The following PPP1R12B variants were observed in gnomAD, a reference collection of about 807,000 sequenced individuals.
The protein encoded by PPP1R12B is protein phosphatase 1 regulatory subunit 12B.
Under a neutral mutation model 126.1 loss-of-function variants are expected in PPP1R12B, and 76 were observed. The ratio of observed to expected loss-of-function variants is 0.60; its 90% confidence interval spans 0.50 to 0.73. The LOEUF is 0.73. Among genes scored for constraint, PPP1R12B ranks in the 30% least tolerant of loss-of-function variants. The probability of loss-of-function intolerance (pLI) is 0.00; values close to 1 mark genes in which losing one functional copy is unlikely to be tolerated. For synonymous variants in PPP1R12B, 356 were observed against 434.7 expected (o/e 0.82, Z 2.25); for missense variants, 1,052 against 1,205.1 (o/e 0.87, Z 1.88).
chr1:202,361,265 T>G (rs955301785), intron 1 of PPP1R12B, among the ~76,000 whole-genome samples: 5 of 152,176 alleles, frequency 3.3e-5, no homozygotes, highest in African/African-American at 1.2e-4. Context: ...TGAGACTAGG[T>G]AATTTATAAA....
intron 18 of PPP1R12B, among the ~76,000 whole-genome samples, chr1:202,552,167 C>A (rs909268072): frequency 6.6e-6 from 1 of 152,112 alleles, no homozygotes; most frequent in African/African-American, 2.4e-5. Context: ...ACAGCATAGG[C>A]CTCATTATCA....
chr1:202,499,703 T>C (rs1679991296), intron 18 of PPP1R12B, among the ~76,000 whole-genome samples: 1 of 152,256 alleles, frequency 6.6e-6, no homozygotes, highest in Non-Finnish European at 1.5e-5. Flanking sequence ...TGTTTAATAC[T>C]TCACTTGTAT....
chr1:202,435,942 A>G (rs890810686), intron 9 of PPP1R12B, among the ~76,000 whole-genome samples: 1 of 152,156 alleles, frequency 6.6e-6, no homozygotes, highest in African/African-American at 2.4e-5. Flanking sequence ...GGATGCCTAG[A>G]CTTCCTACTT....
intron 11 of PPP1R12B, among the ~76,000 whole-genome samples, chr1:202,441,374 A>G (rs566756336): frequency 6.2e-4 from 94 of 152,128 alleles, no homozygotes; most frequent in African/African-American, 2.1e-3. Context: ...GTTTCCCAGG[A>G]TGGTCTCAAA....
chr1:202,525,118 A>T (rs1043788463), intron 18 of PPP1R12B, among the ~76,000 whole-genome samples: 1 of 152,144 alleles, frequency 6.6e-6, no homozygotes, highest in African/African-American at 2.4e-5. Context: ...ACCTCAAGTG[A>T]TCTTCCCACC....
intron 13 of PPP1R12B, among the ~76,000 whole-genome samples, chr1:202,449,522 C>T (rs1164232230): frequency 1.3e-5 from 2 of 151,614 alleles, no homozygotes; most frequent in African/African-American, 2.4e-5. Flanking sequence ...ATGATCTATC[C>T]ACCTCGGCCT....
intron 1 of PPP1R12B, among the ~76,000 whole-genome samples, chr1:202,356,059 T>TTACATACA (rs776456811): frequency 6.6e-6 from 1 of 152,030 alleles, no homozygotes; most frequent in Non-Finnish European, 1.5e-5. Flanking sequence ...TGCAAACATG[T>TTACATACA]GGTCCCAGTT....
intron 8 of PPP1R12B, among the ~76,000 whole-genome samples, chr1:202,433,366 G>A (rs1389629559): frequency 6.6e-6 from 1 of 152,150 alleles, no homozygotes; most frequent in Non-Finnish European, 1.5e-5. Flanking sequence ...CTTGTTCTCT[G>A]TAGCCAGGTC....
In PPP1R12B at chr1:202,562,820, C is replaced by G. The variant is rs375992469; in HGVS notation, c.2550C>G (p.Tyr850Ter). ...GGSNPTTSDS[Y>*]GDRASARARR... ...GTAATCCTACAACCAGTGATTCTTA[C>G]GGTGACCGGGCTTCAGCAAGAGCCC... is the stretch of plus-strand genomic sequence containing the variant. The change falls in exon 20 of 24, where the codon TAC (tyrosine) becomes TAG (stop). Residue 850 changes from tyrosine to a stop codon, truncating the protein, a stop_gained. Coordinates refer to ENST00000608999, the MANE Select transcript of PPP1R12B (RefSeq NM_002481.4). LOFTEE classifies it high-confidence loss of function. 1.2e-5 allele frequency: 20 copies of G among 1,612,928 alleles called. No individual in the cohort carries two copies. Among genetic ancestry groups the G allele is most frequent in the East Asian group, 2.2e-5 (1 of 44,890 alleles).
In PPP1R12B at chr1:202,375,880, C is replaced by T. The variant is rs1330082431; in HGVS notation, c.291+26738C>T. On this transcript the variant is annotated intron_variant, in intron 1 of 23. Coordinates refer to ENST00000608999, the MANE Select transcript of PPP1R12B (RefSeq NM_002481.4). ...TTCTTATAGCTTACCTGTCATAACA[C>T]TTGTCATATAGTCTTATAGTTTAAT... 3.3e-5 allele frequency among the ~76,000 whole-genome samples: 5 copies of T among 152,216 alleles called. No individual in the cohort carries two copies. In the South Asian group the frequency reaches 1.0e-3, roughly 31 times the overall value.
chr1:202,425,810 C>T (rs541087008), intron 4 of PPP1R12B, 85 bp downstream of exon 4: 12 of 1,317,624 alleles, frequency 9.1e-6, no homozygotes, highest in African/African-American at 7.4e-5. Flanking sequence ...TTAGATTTTC[C>T]GCTATGACGT....
intron 18 of PPP1R12B, among the ~76,000 whole-genome samples, chr1:202,542,715 G>A (rs1685251161): frequency 1.3e-5 from 2 of 152,164 alleles, no homozygotes; most frequent in Admixed American, 1.3e-4. Context: ...GGACCATGGA[G>A]CCCACAGAAC....
intron 1 of PPP1R12B, among the ~76,000 whole-genome samples, chr1:202,382,430 AT>A (rs200398327): frequency 0.012 from 1,855 of 148,752 alleles, 32 homozygotes; most frequent in African/African-American, 0.042. Context: ...AATAAAAAAA[AT>A]ATATATATAA....
At position 202,586,508 on chromosome 1, in the gene PPP1R12B, G is replaced by A. The variant is rs1210174120; in HGVS notation, c.*5948G>A. On this transcript the variant is annotated 3_prime_UTR_variant, in exon 24 of 24. Coordinates refer to ENST00000608999, the MANE Select transcript of PPP1R12B (RefSeq NM_002481.4). ...CCTTAATGGGTATTGACACTGCTCA[G>A]GAAGCAGTAGACCCTGTCAGGGACA... The A allele has an allele frequency of 3.9e-5, 6 of 152,348 alleles. No homozygotes were observed. The East Asian group carries it at 1.2e-3, about 29-fold the overall frequency. 9.4% of individuals were successfully genotyped at this position (152,348 alleles called of 1,614,324 possible). A position where few individuals can be genotyped will look rare whatever the true frequency, so the allele number is the denominator to read the frequency against.
intron 18 of PPP1R12B, among the ~76,000 whole-genome samples, chr1:202,521,245 C>T (rs1419093651): frequency 6.6e-6 from 1 of 152,152 alleles, no homozygotes; most frequent in Non-Finnish European, 1.5e-5. Context: ...CAGATTTAAG[C>T]TGAGGCAACT....
chr1:202,358,461 T>TCG (rs1657520957), intron 1 of PPP1R12B, among the ~76,000 whole-genome samples: 1 of 152,182 alleles, frequency 6.6e-6, no homozygotes, highest in Non-Finnish European at 1.5e-5. Context: ...GGCAGGCAGA[T>TCG]CACGAGGTCA....
chr1:202,469,803 C>T (rs1181496771), intron 13 of PPP1R12B, among the ~76,000 whole-genome samples: 1 of 152,140 alleles, frequency 6.6e-6, no homozygotes, highest in Non-Finnish European at 1.5e-5. Flanking sequence ...GAAGATAAAT[C>T]TAATTTAGGT....
intron 14 of PPP1R12B, among the ~76,000 whole-genome samples, chr1:202,489,323 C>G (rs1259141829): frequency 6.6e-6 from 1 of 152,110 alleles, no homozygotes; most frequent in African/African-American, 2.4e-5. Flanking sequence ...TTTGGCAATT[C>G]CTCAAAATTT....
chr1:202,431,728 G>A (rs1211301245), intron 8 of PPP1R12B, 109 bp downstream of exon 8: 1 of 1,086,056 alleles, frequency 9.2e-7, no homozygotes, highest in Non-Finnish European at 1.3e-6. Flanking sequence ...AGAGCTTGAA[G>A]TTTAGTTTTC....
Sources: gnomAD v4.1 joint callset for allele counts (sites outside exome capture counted in the v4.1 genomes callset) on GRCh38, gnomAD v4.1.1 for gene constraint, MANE v1.5 for transcripts, NCBI Gene and HGNC (gene_info 2026-07-23, HGNC 2026-07-21) for gene names.